Variants in PAPPA2 observed in about 807,000 individuals in gnomAD.
PAPPA2 encodes pappalysin 2.
PAPPA2 carries 86 observed loss-of-function variants against 176.4 expected under a neutral mutation model. The observed-to-expected ratio is 0.49, with a 90% CI of 0.41 to 0.58. The LOEUF (loss-of-function observed/expected upper bound fraction) is 0.58. PAPPA2 is among the 20% of genes least tolerant of loss of function. The pLI is 0.00. For synonymous variants in PAPPA2, 809 were observed against 852.2 expected, an observed-to-expected ratio of 0.95 and a Z score of 0.88; for missense variants, 2,073 against 2,256.9, an observed-to-expected ratio of 0.92 and a Z score of 1.65.
chr1:176,692,776 A>G, intron 6 of PAPPA2, among the ~76,000 whole-genome samples: 1 of 152,108 alleles, frequency 6.6e-6, no homozygotes, highest in Non-Finnish European at 1.5e-5. Context: ...GGCTTCCCTG[A>G]CTTACGTAGG....
At chr1:176,691,808 A>G (rs1364158245) in intron 5 of PAPPA2, among the ~76,000 whole-genome samples, 2 of 152,220 alleles carry the variant, frequency 1.3e-5, no homozygotes, top group African/African-American at 4.8e-5. Flanking sequence ...TGAAAAGGCC[A>G]TCTGTTGAAA....
chr1:176,808,665 A>G (rs1008743852), intron 21 of PAPPA2, among the ~76,000 whole-genome samples: 3 of 152,136 alleles, frequency 2.0e-5, no homozygotes, highest in African/African-American at 4.8e-5. Context: ...TTATCAGAAA[A>G]CCTGAGTATT....
At chr1:176,796,302 G>C (rs890273303) in intron 20 of PAPPA2, among the ~76,000 whole-genome samples, 1 of 152,210 alleles carries the variant, frequency 6.6e-6, no homozygotes, top group Non-Finnish European at 1.5e-5. Flanking sequence ...TTGCAGGGTA[G>C]TGTGCTATGG....
At position 176,556,140 on chromosome 1, in the gene PAPPA2, C is replaced by A. The variant is rs375994341; in HGVS notation, c.-183C>A. 31 of 679,444 alleles carry A rather than the reference C, an allele frequency of 4.6e-5. No individual in the cohort carries two copies. In the East Asian group the frequency reaches 7.8e-4, roughly 17 times the overall value. The allele number at this position is 679,444 out of a possible 1,614,324, so 42.1% of individuals were successfully genotyped here. A position where few individuals can be genotyped will look rare whatever the true frequency, so the allele number is the denominator to read the frequency against. ...AGGCATAGAAGCCACACTGGCAGAG[C>A]GGCCAGCACAGGTAGCCAGCAGAGG... On this transcript the variant is annotated 5_prime_UTR_variant, in exon 2 of 23. Transcript: ENST00000367662.
chr1:176,769,267 A>G (rs1354434005), intron 15 of PAPPA2, among the ~76,000 whole-genome samples: 2 of 152,204 alleles, frequency 1.3e-5, no homozygotes, highest in South Asian at 4.1e-4. Context: ...AGTCAGAGGC[A>G]TGAAACCCAC....
At chr1:176,560,764 C>T (rs1216035217) in intron 2 of PAPPA2, among the ~76,000 whole-genome samples, 1 of 152,252 alleles carries the variant, frequency 6.6e-6, no homozygotes, top group Non-Finnish European at 1.5e-5. Flanking sequence ...TCTCTTTTAA[C>T]CCCAACATAC....
At chr1:176,632,228 G>GGGGTGT (rs755065819) in intron 3 of PAPPA2, among the ~76,000 whole-genome samples, 1 of 137,772 alleles carries the variant, frequency 7.3e-6, no homozygotes, top group African/African-American at 3.1e-5. Context: ...AATTAGTAGT[G>GGGGTGT]ATGTGTGTGT....
chr1:176,710,494 A>T (rs918923086), intron 11 of PAPPA2, among the ~76,000 whole-genome samples: 6 of 152,214 alleles, frequency 3.9e-5, no homozygotes, highest in Non-Finnish European at 7.3e-5. Flanking sequence ...AAATTGATTT[A>T]AAGAAGTTTT....
At chr1:176,728,258 G>T (rs1192507062) in intron 12 of PAPPA2, among the ~76,000 whole-genome samples, 1 of 151,784 alleles carries the variant, frequency 6.6e-6, no homozygotes, top group East Asian at 1.9e-4. Flanking sequence ...AGATATAAAA[G>T]AAGTTAAACA....
intron 3 of PAPPA2, among the ~76,000 whole-genome samples, chr1:176,600,185 C>A (rs1394323706): frequency 6.6e-6 from 1 of 152,296 alleles, no homozygotes; most frequent in South Asian, 2.1e-4. Flanking sequence ...TATCTGAATT[C>A]TCTGGGTTTA....
chr1:176,575,060 C>T (rs1652568336), intron 2 of PAPPA2, among the ~76,000 whole-genome samples: 1 of 152,174 alleles, frequency 6.6e-6, no homozygotes, highest in Non-Finnish European at 1.5e-5. Flanking sequence ...ATGTGACACC[C>T]AGGCAGTAGG....
intron 21 of PAPPA2, among the ~76,000 whole-genome samples, chr1:176,831,055 CT>C (rs1667062532): frequency 6.6e-6 from 1 of 152,200 alleles, no homozygotes; most frequent in Admixed American, 6.5e-5. Flanking sequence ...ACAGCAAACA[CT>C]GATGGAGGGG....
At chr1:176,507,149 A>G (rs111739042) in intron 1 of PAPPA2, among the ~76,000 whole-genome samples, 72 of 152,306 alleles carry the variant, frequency 4.7e-4, no homozygotes, top group African/African-American at 1.7e-3. Context: ...ACACTGCTCC[A>G]AAGAAGACAT....
At chr1:176,812,211 C>CTT (rs36087008) in intron 21 of PAPPA2, among the ~76,000 whole-genome samples, 97 of 142,762 alleles carry the variant, frequency 6.8e-4, no homozygotes, top group Admixed American at 1.7e-3. Flanking sequence ...CTTTTTTGTT[C>CTT]TTTTTTTTTT....
chr1:176,558,780 T>C (rs926882004), intron 2 of PAPPA2, among the ~76,000 whole-genome samples: 1 of 152,136 alleles, frequency 6.6e-6, no homozygotes, highest in African/African-American at 2.4e-5. Context: ...CCAGGGAAAC[T>C]GTGTGCTTGC....
At chr1:176,519,228 C>T (rs1649084006) in intron 1 of PAPPA2, among the ~76,000 whole-genome samples, 1 of 152,180 alleles carries the variant, frequency 6.6e-6, no homozygotes, top group African/African-American at 2.4e-5. Flanking sequence ...TCACAAGTCA[C>T]ATGAACAGGT....
At chr1:176,651,764 A>G (rs1470391204) in intron 3 of PAPPA2, among the ~76,000 whole-genome samples, 1 of 151,510 alleles carries the variant, frequency 6.6e-6, no homozygotes, top group East Asian at 1.9e-4. Flanking sequence ...TTGAACACCA[A>G]TAGTTCTTAG....
chr1:176,616,711 T>C, intron 3 of PAPPA2: 1 of 1,460,242 alleles, frequency 6.8e-7, no homozygotes, highest in Non-Finnish European at 9.5e-7. Flanking sequence ...AAGGTCACAT[T>C]GGTTGGATTG....
intron 3 of PAPPA2, among the ~76,000 whole-genome samples, chr1:176,621,689 A>G (rs1655607125): frequency 6.6e-6 from 1 of 151,746 alleles, no homozygotes; most frequent in Non-Finnish European, 1.5e-5. Flanking sequence ...TTTTTTTGGC[A>G]TAAGCAACTA....
Sources: gnomAD v4.1 joint callset for allele counts (sites outside exome capture counted in the v4.1 genomes callset) on GRCh38, gnomAD v4.1.1 for gene constraint, MANE v1.5 for transcripts, NCBI Gene and HGNC (gene_info 2026-07-23, HGNC 2026-07-21) for gene names.